The following GRB2 variants were observed in gnomAD, a reference collection of about 807,000 sequenced individuals.
GRB2 encodes the protein growth factor receptor-bound protein 2.
In GRB2, 2 loss-of-function variants were observed where a neutral mutation model predicts 27.4. That is an observed-to-expected ratio of 0.07 (90% CI 0.03 to 0.23). GRB2 has a LOEUF of 0.23. GRB2 is among the 10% of genes least tolerant of loss of function. The pLI is 1.00. For missense variants in GRB2, 102 were observed against 282.4 expected (o/e 0.36, Z 4.58); for synonymous variants, 94 against 99.6 (o/e 0.94, Z 0.33).
intron 1 of GRB2, among the ~76,000 whole-genome samples, chr17:75,397,469 T>C (rs1009235795): frequency 6.6e-6 from 1 of 152,234 alleles, no homozygotes; most frequent in Non-Finnish European, 1.5e-5. Context: ...GCTTTAATCA[T>C]TCATTTCAAA....
At chr17:75,367,132 T>A (rs188694677) in intron 2 of GRB2, among the ~76,000 whole-genome samples, 5 of 152,250 alleles carry the variant, frequency 3.3e-5, no homozygotes, top group Non-Finnish European at 1.5e-5. Context: ...GGTAATGGGA[T>A]CTAGTGTTGT....
chr17:75,332,613 T>A (rs2078548728), intron 3 of GRB2, 87 bp downstream of exon 3: 1 of 752,914 alleles, frequency 1.3e-6, no homozygotes, highest in Admixed American at 2.4e-5. Flanking sequence ...AAGTATGACA[T>A]CCATCCCAGT....
intron 2 of GRB2, among the ~76,000 whole-genome samples, chr17:75,337,895 CTACTACTATTATTATTATTAT>C (rs1175513180): frequency 8.0e-6 from 1 of 124,478 alleles, no homozygotes; most frequent in African/African-American, 3.3e-5. Flanking sequence ...ACTACTACTA[CTACTACTATTATTATTATTAT>C]TATTATTATT....
chr17:75,330,429 G>GGT (rs1167909245), intron 3 of GRB2, among the ~76,000 whole-genome samples: 8 of 151,626 alleles, frequency 5.3e-5, no homozygotes, highest in Non-Finnish European at 1.2e-4. Flanking sequence ...GGCAGGGTGC[G>GGT]GTGGCTTACA....
chr17:75,381,672 G>C (rs1420344514), intron 2 of GRB2, among the ~76,000 whole-genome samples: 1 of 135,934 alleles, frequency 7.4e-6, no homozygotes. Flanking sequence ...AATGAGCTGA[G>C]ATCACGCCAC....
chr17:75,374,540 G>A (rs899294139), intron 2 of GRB2, among the ~76,000 whole-genome samples: 2 of 151,920 alleles, frequency 1.3e-5, no homozygotes, highest in African/African-American at 4.8e-5. Context: ...GATTAGCCTG[G>A]CAACATGGAA....
In GRB2 at chr17:75,320,168, T is replaced by C; in HGVS notation, c.*200A>G. 1.9e-6 allele frequency: 1 copy of C among 522,454 alleles called. No individual in the cohort carries two copies. The highest frequency in any genetic ancestry group is 3.5e-6 in the Non-Finnish European group (1 of 287,826). The allele number at this position is 522,454 out of a possible 1,614,324, so 32.4% of individuals were successfully genotyped here. ...TTTGTAATAAAAACTCTTCTTAATT[T>C]ATAGGTAAGTTTTGGCATTTTTAAA... On this transcript the variant is annotated 3_prime_UTR_variant, in exon 6 of 6. Transcript: ENST00000316804. This position sits in a 1 kb window ranked among gnomAD's most constrained non-coding sequence, Gnocchi z 4.3.
intron 2 of GRB2, among the ~76,000 whole-genome samples, chr17:75,335,593 G>C (rs1251385649): frequency 6.6e-6 from 1 of 152,160 alleles, no homozygotes; most frequent in African/African-American, 2.4e-5. Flanking sequence ...TTGCAATGCT[G>C]GTGCTTATCT....
chr17:75,368,089 A>G (rs1469529735), intron 2 of GRB2, among the ~76,000 whole-genome samples: 1 of 151,472 alleles, frequency 6.6e-6, no homozygotes, highest in Non-Finnish European at 1.5e-5. Flanking sequence ...TAATTTTTGT[A>G]CTTTTTGTAG....
chr17:75,354,597 C>A (rs1219557021), intron 2 of GRB2, among the ~76,000 whole-genome samples: 1 of 152,074 alleles, frequency 6.6e-6, no homozygotes, highest in African/African-American at 2.4e-5. Context: ...ACCATCTCGA[C>A]CCCCCACTTC....
At chr17:75,331,311 G>A (rs1168981053) in intron 3 of GRB2, among the ~76,000 whole-genome samples, 3 of 152,180 alleles carry the variant, frequency 2.0e-5, no homozygotes, top group African/African-American at 7.2e-5. Context: ...AGCCTGTGCT[G>A]GGTGCTTCTC....
At chr17:75,346,539 T>A (rs1010254625) in intron 2 of GRB2, among the ~76,000 whole-genome samples, 1 of 150,298 alleles carries the variant, frequency 6.7e-6, no homozygotes, top group South Asian at 2.1e-4. Context: ...GTATCCTCCA[T>A]CTGTCTCTCC....
At chr17:75,393,228 A>T (rs1273858663) in intron 2 of GRB2, among the ~76,000 whole-genome samples, 3 of 152,248 alleles carry the variant, frequency 2.0e-5, no homozygotes, top group Non-Finnish European at 2.9e-5. Context: ...TATTTTTAAA[A>T]TAAAACTCTA....
intron 4 of GRB2, among the ~76,000 whole-genome samples, chr17:75,322,043 G>A (rs974482612): frequency 9.9e-5 from 15 of 152,266 alleles, no homozygotes; most frequent in African/African-American, 3.4e-4. Flanking sequence ...GAGAGGGACA[G>A]GCCATCAGTC....
chr17:75,326,113 C>A (rs1461128872), intron 3 of GRB2, 93 bp from the exon 4 acceptor site: 14 of 1,451,268 alleles, frequency 9.6e-6, no homozygotes, highest in African/African-American at 1.4e-5. Context: ...ACACTCCTTG[C>A]CAGAGGAAGG....
Position 75,367,169 on chromosome 17 carries a change from C to T in GRB2, c.78+26382G>A, listed in dbSNP as rs148610623. ...ACAAAGGTTATAATCAGACCCACTGCTCTTTTTTTCCCCCTATTCAGGACA... is the reference window on the plus strand; with the variant it reads ...ACAAAGGTTATAATCAGACCCACTGTTCTTTTTTTCCCCCTATTCAGGACA... On this transcript the variant is annotated intron_variant, in intron 2 of 5. Coordinates refer to ENST00000316804, the MANE Select transcript of GRB2 (RefSeq NM_002086.5). 9.2e-4 allele frequency among the ~76,000 whole-genome samples: 140 copies of T among 152,102 alleles called. 1 individual carries two copies. The highest frequency in any genetic ancestry group is 3.2e-3 in the African/African-American group (133 of 41,496).
rs780125388 is a variant in GRB2 at position 75,357,707 on chromosome 17, C to T, written c.79-24910G>A. On this transcript the variant is annotated intron_variant, in intron 2 of 5. Transcript: ENST00000316804. ...AGGCCGAGGAGAGTAAATCACCTGA[C>T]GTCACAAGTTCGAGACCAGCGTGGC... 3.9e-5 allele frequency among the ~76,000 whole-genome samples: 6 copies of T among 152,066 alleles called. No individual in the cohort carries two copies. The South Asian group carries it at 6.2e-4, about 16-fold the overall frequency.
At chr17:75,337,050 T>C (rs1296544362) in intron 2 of GRB2, among the ~76,000 whole-genome samples, 1 of 152,246 alleles carries the variant, frequency 6.6e-6, no homozygotes, top group Non-Finnish European at 1.5e-5. Flanking sequence ...AATGTAACAT[T>C]TGAGTACATG....
chr17:75,389,998 T>C (rs1225810905), intron 2 of GRB2, among the ~76,000 whole-genome samples: 1 of 152,210 alleles, frequency 6.6e-6, no homozygotes, highest in Admixed American at 6.5e-5. Flanking sequence ...ACATCTTATA[T>C]TTCTCTCCCA....
Sources: allele counts gnomAD v4.1 joint callset (sites outside exome capture counted in the v4.1 genomes callset), GRCh38; gene constraint gnomAD v4.1.1; non-coding constraint Gnocchi (gnomAD v3.1); transcripts MANE v1.5; gene names NCBI Gene and HGNC (gene_info 2026-07-23, HGNC 2026-07-21).